The following LZTR1 variants were observed in gnomAD, a reference collection of about 807,000 sequenced individuals.
LZTR1 encodes leucine zipper like post translational regulator 1.
A neutral mutation model predicts 105.7 loss-of-function variants in LZTR1; 260 were observed. The observed-to-expected ratio is 2.46, with a 90% CI of 2.22 to 2.72. The LOEUF is 2.72. Among genes scored for constraint, LZTR1 ranks in the 30% most tolerant of loss-of-function variants. LZTR1 has a pLI of 0.00. For synonymous variants in LZTR1, 490 were observed against 476.4 expected, an observed-to-expected ratio of 1.03 and a Z score of -0.37; for missense variants, 1,214 against 1,166.9, an observed-to-expected ratio of 1.04 and a Z score of -0.59.
Position 20,995,777 on chromosome 22 carries a change from C to A in LZTR1, c.1974C>A (p.Tyr658Ter), listed in dbSNP as rs939793375. 6.2e-7 allele frequency: 1 copy of A among 1,613,690 alleles called. No individual in the cohort carries two copies. Among genetic ancestry groups the A allele is most frequent in the Admixed American group, 1.7e-5 (1 of 60,022 alleles). The stretch of plus-strand genomic sequence containing the variant: ...CTCTGATCCAGGACATGAAGGCATA[C>A]CTGGAGGGAGCGGGCGCGGAATTCT... ...GTSLIQDMKA[Y>*]LEGAGAEFCD... The change falls in exon 17 of 21, where the codon TAC becomes TAA. Residue 658 changes from tyrosine (Y) to a stop codon, truncating the protein, a stop_gained. Coordinates refer to ENST00000646124, the MANE Select transcript of LZTR1 (RefSeq NM_006767.4). LOFTEE classifies it high-confidence loss of function.
chr22:20,995,760 C>T lies in LZTR1; in HGVS notation c.1957C>T (p.Gln653Ter), dbSNP rs760312637. The T allele has an allele frequency of 2.5e-6, 4 of 1,613,618 alleles. No homozygotes were observed. The highest frequency in any genetic ancestry group is 2.5e-6 in the Non-Finnish European group (3 of 1,180,000). The change falls in exon 17 of 21, where the codon CAG becomes TAG. Residue 653 changes from glutamine to a stop codon, truncating the protein, a stop_gained. Transcript: ENST00000646124. LOFTEE classifies it high-confidence loss of function. ...CCTACCCCCAGGCACATCTCTGATC[C>T]AGGACATGAAGGCATACCTGGAGGG... Reference protein sequence around the residue: ...QPVDIGTSLIQDMKAYLEGAG... With the variant: ...QPVDIGTSLI
chr22:20,991,505 G>A (rs1924602943), intron 8 of LZTR1, 123 bp from the exon 9 acceptor site: 2 of 759,326 alleles, frequency 2.6e-6, no homozygotes, highest in Non-Finnish European at 4.2e-6. Context: ...CCTCCCTCTG[G>A]ACCCTGGGCT....
chr22:20,997,423 T>G lies in LZTR1; in HGVS notation c.*75T>G, dbSNP rs549934273. 8.9e-7 allele frequency: 1 copy of G among 1,121,866 alleles called. No individual in the cohort carries two copies. The highest frequency in any genetic ancestry group is 1.5e-5 in the African/African-American group (1 of 65,696). 69.5% of individuals were successfully genotyped at this position (1,121,866 alleles called of 1,614,324 possible). On this transcript the variant is annotated 3_prime_UTR_variant, in exon 21 of 21. Coordinates refer to ENST00000646124, the MANE Select transcript of LZTR1 (RefSeq NM_006767.4). Reference sequence around the variant, plus strand: ...TGCCTACTGAGAAGACTACCGGCTATGCGCATGCCTATGGCAGTGGGTGCA... The same window carrying G: ...TGCCTACTGAGAAGACTACCGGCTAGGCGCATGCCTATGGCAGTGGGTGCA...
In LZTR1 at chr22:20,992,231, G is replaced by T. The variant is rs746694528; in HGVS notation, c.1011G>T (p.Val337=). The T allele has an allele frequency of 6.2e-7, 1 of 1,613,664 alleles. No individual in the cohort carries two copies. Among genetic ancestry groups the T allele is most frequent in the South Asian group, 1.1e-5 (1 of 91,066 alleles). ...SSDSEVGGAE[V]PERACASEEV... ...CTCTTCAGGTTGGTGGGGCTGAAGT[G>T]CCCGAGCGAGCCTGTGCTTCCGAGG... The change falls in exon 10 of 21, where the codon GTG becomes GTT. Residue 337 remains valine, a synonymous_variant. Transcript: ENST00000646124.
In LZTR1 at chr22:20,982,466, A is replaced by G; in HGVS notation, c.95A>G (p.His32Arg). ...GTAGCCCCGAGCGTGGACTTCGACC[A>G]TAGCTGCTCGGACAGTGTCGAGTAC... ...SKVAPSVDFDHSCSDSVEYLT... is the reference protein window; with the variant it reads ...SKVAPSVDFDRSCSDSVEYLT... Residue 32 changes from histidine to arginine, a missense_variant, in exon 1 of 21, where the codon CAT becomes CGT. Physicochemically the swap from His to Arg is conservative, Grantham distance 29. Transcript: ENST00000646124. The G allele has an allele frequency of 6.2e-7, 1 of 1,608,612 alleles. No homozygotes were observed. The highest frequency in any genetic ancestry group is 1.1e-5 in the South Asian group (1 of 89,960).
Position 20,996,172 on chromosome 22 carries a change from A to G in LZTR1, c.2219+60A>G, listed in dbSNP as rs178294. The G allele has an allele frequency of 0.77, 1,214,453 of 1,579,810 alleles. 469,616 individuals carry two copies. The highest frequency in any genetic ancestry group is 0.89 in the African/African-American group (65,952 of 74,520). ...ACCAAGGGGTCCTGGCACCCACCTC[A>G]GGTGGCTTTGAGGCCCGCTCTCCTG... On this transcript the variant is annotated intron_variant, in intron 18 of 20. Coordinates refer to ENST00000646124, the MANE Select transcript of LZTR1 (RefSeq NM_006767.4).
intron 16 of LZTR1, 68 bp downstream of exon 16, chr22:20,995,094 G>A: frequency 6.6e-7 from 1 of 1,519,218 alleles, no homozygotes; most frequent in South Asian, 1.2e-5. Flanking sequence ...AGGAGATTGG[G>A]AGCCATGGAG....
Position 20,997,246 on chromosome 22 carries a change from C to T in LZTR1, c.2421C>T (p.Pro807=). The change falls in exon 21 of 21, where the codon CCC becomes CCT. Residue 807 remains proline, a synonymous_variant. Transcript: ENST00000646124. The part of the protein sequence containing the change: ...VHQFTKVSKL[P]TLRSLSQQLL... ...TTGCCTTACAGGTCTCCAAGTTGCC[C>T]ACCCTGCGGTCGCTGAGCCAGCAGC... 4 of 1,613,330 alleles carry T rather than the reference C, an allele frequency of 2.5e-6. No homozygotes were observed. Among genetic ancestry groups the T allele is most frequent in the South Asian group, 1.1e-5 (1 of 91,060 alleles).
At chr22:20,995,672 C>T in intron 16 of LZTR1, 74 bp from the exon 17 acceptor site, 1 of 1,571,944 alleles carries the variant, frequency 6.4e-7, no homozygotes, top group East Asian at 2.2e-5. Context: ...GGCAGATATG[C>T]AGGAAGGTAG....
At chr22:20,991,571 C>A (rs1034486355) in intron 8 of LZTR1, 57 bp from the exon 9 acceptor site, 8 of 1,391,204 alleles carry the variant, frequency 5.8e-6, no homozygotes, top group Middle Eastern at 2.5e-4. Flanking sequence ...GTGGGGAGGC[C>A]CCGAGGGTGA....
At chr22:20,984,748 G>C (rs1924319612) in intron 2 of LZTR1, among the ~76,000 whole-genome samples, 2 of 152,110 alleles carry the variant, frequency 1.3e-5, no homozygotes, top group South Asian at 4.1e-4. Flanking sequence ...GCACCCACTG[G>C]TGCAGACTAA....
chr22:20,988,915 T>C, intron 6 of LZTR1, 43 bp downstream of exon 6: 1 of 1,556,360 alleles, frequency 6.4e-7, no homozygotes, highest in Non-Finnish European at 8.9e-7. Flanking sequence ...CCGACAGCAC[T>C]GAGACCCGGA....
In LZTR1 at chr22:20,994,490, G is replaced by T. The variant is rs553667352; in HGVS notation, c.1616-68G>T. On this transcript the variant is annotated intron_variant, in intron 14 of 20. Coordinates refer to ENST00000646124, the MANE Select transcript of LZTR1 (RefSeq NM_006767.4). ...CCCAGCCCACACTCTTCCATGGGGG[G>T]AGCCCTGCGCCCTGTGCCCTGCCCT... 4.6e-6 allele frequency: 7 copies of T among 1,524,874 alleles called. No homozygotes were observed. In the African/African-American group the frequency reaches 5.4e-5, roughly 12 times the overall value. The allele number at this position is 1,524,874 out of a possible 1,614,324, so 94.5% of individuals were successfully genotyped here.
At chr22:20,985,660 T>C (rs1049692679) in intron 2 of LZTR1, among the ~76,000 whole-genome samples, 181 bp from the exon 3 acceptor site, 7 of 152,168 alleles carry the variant, frequency 4.6e-5, no homozygotes, top group Non-Finnish European at 8.8e-5. Flanking sequence ...CCCATATCAG[T>C]TGGGGAGCCT....
chr22:20,993,219 C>T (rs1924670146), intron 11 of LZTR1: 2 of 424,082 alleles, frequency 4.7e-6, no homozygotes, highest in Non-Finnish European at 4.3e-6. Flanking sequence ...CCAGGGCCGA[C>T]AGTGGCTTGC....
intron 2 of LZTR1, among the ~76,000 whole-genome samples, chr22:20,984,812 C>A (rs1003805781): frequency 5.9e-5 from 9 of 152,214 alleles, no homozygotes; most frequent in Non-Finnish European, 1.3e-4. Flanking sequence ...GGGCACTGGG[C>A]TCCTGTCAGT....
chr22:20,993,894 C>A, intron 12 of LZTR1, 30 bp from the exon 13 acceptor site: 1 of 1,598,066 alleles, frequency 6.3e-7, no homozygotes, highest in Non-Finnish European at 8.5e-7. Flanking sequence ...GGGTCCTGTG[C>A]CCTCTGCCAG....
chr22:20,994,724 C>T lies in LZTR1; in HGVS notation c.1782C>T (p.Leu594=), dbSNP rs771464089. Residue 594 remains leucine (L), a synonymous_variant, in exon 15 of 21, where the codon CTC becomes CTT. Transcript: ENST00000646124. ...ESAARLQLSQ[L]KEHCLNFVVK... is the part of the protein sequence containing the mutation. ...CCGCCCGGCTGCAGCTGAGCCAACT[C>T]AAGGTGTGGGGTGGGGTCAGCGCAA... 1.3e-5 allele frequency: 21 copies of T among 1,611,548 alleles called. No homozygotes were observed. The highest frequency in any genetic ancestry group is 1.1e-4 in the South Asian group (10 of 91,056).
chr22:20,993,859 G>T, intron 12 of LZTR1, 65 bp from the exon 13 acceptor site: 1 of 1,573,740 alleles, frequency 6.4e-7, no homozygotes, highest in Non-Finnish European at 8.7e-7. Flanking sequence ...ACCTTGGCTG[G>T]CTGGGTCTCT....
Sources: gnomAD v4.1 joint callset for allele counts (sites outside exome capture counted in the v4.1 genomes callset) on GRCh38, gnomAD v4.1.1 for gene constraint, MANE v1.5 for transcripts, NCBI Gene and HGNC (gene_info 2026-07-23, HGNC 2026-07-21) for gene names.